The following IL1RAPL2 variants were observed in gnomAD, a reference collection of about 807,000 sequenced individuals.
The protein encoded by IL1RAPL2 is interleukin 1 receptor accessory protein like 2.
Under a neutral mutation model 44.1 loss-of-function variants are expected in IL1RAPL2, and 3 were observed. The observed-to-expected ratio is 0.07, with a 90% CI of 0.03 to 0.18. IL1RAPL2 has a LOEUF of 0.18. Ranked by LOEUF, IL1RAPL2 falls within the 10% of genes least tolerant of loss-of-function variation. IL1RAPL2 has a pLI of 1.00. For missense variants in IL1RAPL2, 391 were observed against 496.4 expected, an observed-to-expected ratio of 0.79 and a Z score of 2.02; for synonymous variants, 181 against 178.8, an observed-to-expected ratio of 1.01 and a Z score of -0.10.
chrX:105,019,389 C>T (rs1355100167), intron 2 of IL1RAPL2, among the ~76,000 whole-genome samples: 1 of 111,279 alleles, frequency 9.0e-6, no homozygotes, highest in African/African-American at 3.3e-5. Context: ...GCCATAAGTG[C>T]CTTCTTACTG....
At chrX:105,147,670 C>T (rs1385612799) in intron 2 of IL1RAPL2, among the ~76,000 whole-genome samples, 1 of 111,567 alleles carries the variant, frequency 9.0e-6, no homozygotes, top group African/African-American at 3.3e-5. Context: ...AACTTCATTC[C>T]TTTTTATGGC....
intron 1 of IL1RAPL2, among the ~76,000 whole-genome samples, chrX:104,597,790 G>A (rs1928795614): frequency 9.1e-6 from 1 of 110,312 alleles, no homozygotes; most frequent in Admixed American, 9.6e-5. Context: ...GAACAGAGGT[G>A]CCAATCATGA....
At chrX:105,254,990 G>A in intron 4 of IL1RAPL2, among the ~76,000 whole-genome samples, 1 of 111,793 alleles carries the variant, frequency 8.9e-6, no homozygotes, top group East Asian at 2.8e-4. Context: ...TTAACGTGAT[G>A]CCTACAGTTT....
chrX:104,900,718 A>T (rs1923788112), intron 2 of IL1RAPL2, among the ~76,000 whole-genome samples: 1 of 111,988 alleles, frequency 8.9e-6, no homozygotes, highest in African/African-American at 3.2e-5. Context: ...AGAAACATAC[A>T]ATGCCTCTTA....
intron 2 of IL1RAPL2, among the ~76,000 whole-genome samples, chrX:104,851,131 T>C (rs1459380813): frequency 9.0e-6 from 1 of 111,227 alleles, no homozygotes; most frequent in Non-Finnish European, 1.9e-5. Context: ...TTTAATTGGC[T>C]GTCTTGCACT....
chrX:104,874,633 C>T (rs1221903448), intron 2 of IL1RAPL2, among the ~76,000 whole-genome samples: 1 of 111,008 alleles, frequency 9.0e-6, no homozygotes, highest in Non-Finnish European at 1.9e-5. Flanking sequence ...TTTTTACATT[C>T]AAGCATAGAA....
chrX:105,404,300 T>A (rs983840374), intron 5 of IL1RAPL2, among the ~76,000 whole-genome samples: 1 of 111,834 alleles, frequency 8.9e-6, no homozygotes, highest in Non-Finnish European at 1.9e-5. Context: ...TAGTTGATGT[T>A]AAGCACATTC....
chrX:104,861,990 G>C (rs182876258), intron 2 of IL1RAPL2, among the ~76,000 whole-genome samples: 1 of 110,941 alleles, frequency 9.0e-6, no homozygotes, highest in Non-Finnish European at 1.9e-5. Context: ...AGGATAAATA[G>C]GAGTTTGTTA....
At chrX:104,693,304 A>G (rs768816561) in intron 2 of IL1RAPL2, among the ~76,000 whole-genome samples, 27 of 111,328 alleles carry the variant, frequency 2.4e-4, no homozygotes, top group African/African-American at 6.2e-4. Flanking sequence ...CCATTCTTCT[A>G]TCTTTACCTT....
intron 2 of IL1RAPL2, among the ~76,000 whole-genome samples, chrX:104,681,959 C>G: frequency 8.9e-6 from 1 of 112,626 alleles, no homozygotes; most frequent in Non-Finnish European, 1.9e-5. Context: ...TTGTCTCTTT[C>G]ACCTTCATCA....
intron 1 of IL1RAPL2, among the ~76,000 whole-genome samples, chrX:104,585,986 T>C (rs1018430828): frequency 1.8e-5 from 2 of 111,737 alleles, no homozygotes; most frequent in East Asian, 2.8e-4. Context: ...TGTTGAGTGG[T>C]ATTTCTGTTT....
intron 3 of IL1RAPL2, among the ~76,000 whole-genome samples, chrX:105,227,664 A>C (rs1000929807): frequency 6.2e-5 from 7 of 112,152 alleles, no homozygotes; most frequent in African/African-American, 2.3e-4. Context: ...GTGGGTCTTC[A>C]TAGAATAATA....
intron 2 of IL1RAPL2, among the ~76,000 whole-genome samples, chrX:105,149,836 A>AAATAAATC (rs1343796332): frequency 9.7e-6 from 1 of 103,440 alleles, no homozygotes; most frequent in Non-Finnish European, 1.9e-5. Context: ...TCCATCTCAA[A>AAATAAATC]AATAAATAAA....
intron 2 of IL1RAPL2, among the ~76,000 whole-genome samples, chrX:105,111,184 G>T (rs1221164968): frequency 9.0e-6 from 1 of 110,904 alleles, no homozygotes; most frequent in Non-Finnish European, 1.9e-5. Flanking sequence ...AACAAAAATT[G>T]CAGGAATTAA....
chrX:104,849,162 TAGA>T (rs983603390), intron 2 of IL1RAPL2, among the ~76,000 whole-genome samples: 2 of 107,137 alleles, frequency 1.9e-5, no homozygotes, highest in Non-Finnish European at 3.9e-5. Context: ...CCTGAGTAGC[TAGA>T]AGTACAGGTT....
intron 2 of IL1RAPL2, among the ~76,000 whole-genome samples, chrX:104,910,260 C>G (rs1924191769): frequency 8.9e-6 from 1 of 112,089 alleles, no homozygotes; most frequent in African/African-American, 3.2e-5. Flanking sequence ...GTCTGGCACT[C>G]TCTTGTGAGA....
At chrX:104,611,427 G>A (rs1371424545) in intron 1 of IL1RAPL2, among the ~76,000 whole-genome samples, 1 of 110,881 alleles carries the variant, frequency 9.0e-6, no homozygotes, top group African/African-American at 3.3e-5. Context: ...GAACTTCCTG[G>A]CAGCTTTCTT....
intron 8 of IL1RAPL2, among the ~76,000 whole-genome samples, chrX:105,747,154 T>C (rs901967473): frequency 9.1e-6 from 1 of 110,359 alleles, no homozygotes; most frequent in African/African-American, 3.3e-5. Flanking sequence ...ACGTTTTACA[T>C]AGAGGGCAGG....
chrX:104,727,367 A>T (rs1461392745), intron 2 of IL1RAPL2, among the ~76,000 whole-genome samples: 1 of 111,654 alleles, frequency 9.0e-6, no homozygotes. Context: ...GAAAATGCCA[A>T]TTAAAACTAC....
Sources: allele counts gnomAD v4.1 joint callset (sites outside exome capture counted in the v4.1 genomes callset), GRCh38; gene constraint gnomAD v4.1.1; transcripts MANE v1.5; gene names NCBI Gene and HGNC (gene_info 2026-07-23, HGNC 2026-07-21).